LRRC39: variants seen among roughly 807,000 people sequenced by gnomAD.
The protein encoded by LRRC39 is leucine rich repeat containing 39.
In LRRC39, 35 loss-of-function variants were observed where a neutral mutation model predicts 39.7. The observed-to-expected ratio is 0.88, with a 90% CI of 0.67 to 1.17. LRRC39 has a LOEUF of 1.17. LRRC39 is among the 50% of genes most tolerant of loss of function. The pLI is 0.00. For synonymous variants in LRRC39, 113 were observed against 134.1 expected (o/e 0.84, Z 1.09); for missense variants, 357 against 385.8 (o/e 0.93, Z 0.62).
chr1:100,154,186 C>G (rs1197452229), intron 8 of LRRC39, among the ~76,000 whole-genome samples: 4 of 151,996 alleles, frequency 2.6e-5, no homozygotes, highest in Non-Finnish European at 4.4e-5. Flanking sequence ...CCAAAAATGT[C>G]TAATGTATTC....
At chr1:100,169,589 T>G (rs1659459450) in intron 2 of LRRC39, among the ~76,000 whole-genome samples, 1 of 152,072 alleles carries the variant, frequency 6.6e-6, no homozygotes, top group African/African-American at 2.4e-5. Context: ...TCTACCCATA[T>G]CATGGGAAAT....
chr1:100,173,752 G>T (rs960550109), intron 1 of LRRC39, among the ~76,000 whole-genome samples: 2 of 152,132 alleles, frequency 1.3e-5, no homozygotes, highest in Non-Finnish European at 1.5e-5. Flanking sequence ...ATAGAATTTA[G>T]CAAGACTTCT....
At position 100,156,335 on chromosome 1, in the gene LRRC39, G is replaced by A. The variant is rs1261245606; in HGVS notation, c.514-18C>T. ...TTGCTGAGCTGAAGAAGAAAGCAAG[G>A]TTTTTCAAAATAAATGTCCACAATG... On this transcript the variant is annotated intron_variant, in intron 6 of 9. Coordinates refer to ENST00000370137, the MANE Select transcript of LRRC39 (RefSeq NM_144620.4). 2 of 1,579,824 alleles carry A rather than the reference G, an allele frequency of 1.3e-6. No individual in the cohort carries two copies. Among genetic ancestry groups the A allele is most frequent in the Non-Finnish European group, 1.7e-6 (2 of 1,158,090 alleles).
chr1:100,150,587 T>C (rs1657896785), intron 9 of LRRC39: 1 of 152,226 alleles, frequency 6.6e-6, no homozygotes, highest in Non-Finnish European at 1.5e-5. Context: ...CTTAATGGTA[T>C]GTTTCTGACA....
chr1:100,168,253 G>A, intron 3 of LRRC39, 151 bp downstream of exon 3: 1 of 637,474 alleles, frequency 1.6e-6, no homozygotes, highest in South Asian at 2.1e-5. Flanking sequence ...AAATTTAATT[G>A]AGTCAGCTGT....
chr1:100,148,615 T>C lies in LRRC39; in HGVS notation c.*427A>G. 1 of 1,592,138 alleles carries C rather than the reference T, an allele frequency of 6.3e-7. No individual in the cohort carries two copies. Among genetic ancestry groups the C allele is most frequent in the Non-Finnish European group, 8.5e-7 (1 of 1,174,384 alleles). ...TTTAACAATGTTTTGTGTGTGTTTA[T>C]TCAATTTAGGCTTCTTAGTGTTGAA... On this transcript the variant is annotated 3_prime_UTR_variant, in exon 10 of 10. Transcript: ENST00000370137.
chr1:100,172,062 G>A lies in LRRC39; in HGVS notation c.-79+1269C>T, dbSNP rs187752152. On this transcript the variant is annotated intron_variant, in intron 2 of 9. Transcript: ENST00000370137. ...GAATATTATAGATAAACACACACAT[G>A]TATAAAATTTTAAAATGACACAATA... is the stretch of plus-strand genomic sequence containing the variant. 2.6e-3 allele frequency among the ~76,000 whole-genome samples: 402 copies of A among 152,134 alleles called. 3 individuals carry two copies. The highest frequency in any genetic ancestry group is 0.014 in the Middle Eastern group (4 of 294).
At chr1:100,157,445 T>G (rs1658546240) in intron 6 of LRRC39, among the ~76,000 whole-genome samples, 3 of 152,224 alleles carry the variant, frequency 2.0e-5, no homozygotes. Flanking sequence ...TCTTTTTCTT[T>G]ATTAGTTACC....
chr1:100,149,394 A>G (rs749237712), intron 9 of LRRC39: 39 of 1,546,322 alleles, frequency 2.5e-5, no homozygotes, highest in Non-Finnish European at 3.1e-5. Flanking sequence ...ATACATGTAT[A>G]TATTGTCAGA....
At chr1:100,156,117 T>G in intron 7 of LRRC39, 55 bp downstream of exon 7, 1 of 1,544,804 alleles carries the variant, frequency 6.5e-7, no homozygotes, top group Non-Finnish European at 8.8e-7. Flanking sequence ...CTTGGTTATT[T>G]TTCATAAGAG....
intron 8 of LRRC39, among the ~76,000 whole-genome samples, chr1:100,152,933 G>A (rs1658162084): frequency 6.6e-6 from 1 of 152,102 alleles, no homozygotes; most frequent in Admixed American, 6.6e-5. Flanking sequence ...TGCCATATTG[G>A]CCAGGCTGGT....
chr1:100,153,242 ATTCTC>A (rs918556027), intron 8 of LRRC39, among the ~76,000 whole-genome samples: 1 of 152,172 alleles, frequency 6.6e-6, no homozygotes, highest in Non-Finnish European at 1.5e-5. Context: ...TTTAGTGGGT[ATTCTC>A]TTATTCTCAT....
intron 3 of LRRC39, among the ~76,000 whole-genome samples, chr1:100,161,715 C>T (rs1320655338): frequency 1.8e-4 from 28 of 152,148 alleles, no homozygotes; most frequent in African/African-American, 9.7e-5. Flanking sequence ...GGCACCATCA[C>T]GGCTCACTGC....
At chr1:100,150,912 G>A (rs939154335) in intron 9 of LRRC39, among the ~76,000 whole-genome samples, 2 of 152,074 alleles carry the variant, frequency 1.3e-5, no homozygotes, top group Non-Finnish European at 2.9e-5. Context: ...TGAATCACCT[G>A]AGGTCAGGAG....
At chr1:100,151,544 A>G (rs562576127) in intron 9 of LRRC39, among the ~76,000 whole-genome samples, 11 of 152,224 alleles carry the variant, frequency 7.2e-5, no homozygotes, top group South Asian at 2.1e-4. Context: ...TTCATTTTTC[A>G]AACTAGTTGT....
intron 2 of LRRC39, among the ~76,000 whole-genome samples, chr1:100,170,261 G>C (rs1438220507): frequency 2.0e-5 from 3 of 152,172 alleles, no homozygotes; most frequent in Non-Finnish European, 4.4e-5. Context: ...ACTGATGAAT[G>C]GATAAACAAG....
intron 3 of LRRC39, 55 bp from the exon 4 acceptor site, chr1:100,160,626 C>CTT (rs35699743): frequency 5.4e-3 from 5,951 of 1,098,236 alleles, no homozygotes; most frequent in South Asian, 7.3e-3. Context: ...GTGGCATTCA[C>CTT]TTTTTTTTTT....
intron 8 of LRRC39, among the ~76,000 whole-genome samples, chr1:100,154,192 TATTC>T (rs1658284412): frequency 6.6e-6 from 1 of 152,134 alleles, no homozygotes; most frequent in Non-Finnish European, 1.5e-5. Context: ...ATGTCTAATG[TATTC>T]ATTCATTTAG....
At chr1:100,164,971 G>T (rs1375693935) in intron 3 of LRRC39, among the ~76,000 whole-genome samples, 1 of 152,052 alleles carries the variant, frequency 6.6e-6, no homozygotes. Context: ...CTGCCAAAGT[G>T]CTGGGATTAC....
Sources: allele counts gnomAD v4.1 joint callset (sites outside exome capture counted in the v4.1 genomes callset), GRCh38; gene constraint gnomAD v4.1.1; transcripts MANE v1.5; gene names NCBI Gene and HGNC (gene_info 2026-07-23, HGNC 2026-07-21).